Variants in TM2D2 observed in about 807,000 individuals in gnomAD.
TM2D2 encodes the protein TM2 domain containing 2.
In TM2D2, 19 loss-of-function variants were observed where a neutral mutation model predicts 23.0. The observed-to-expected ratio is 0.82, with a 90% confidence interval of 0.58 to 1.21. The LOEUF (loss-of-function observed/expected upper bound fraction) is 1.21, where lower values mean the gene tolerates loss of function less well. Ranked by LOEUF, TM2D2 falls within the 50% of genes most tolerant of loss-of-function variation. TM2D2 has a pLI of 0.00. For synonymous variants in TM2D2, 120 were observed against 108.8 expected, an observed-to-expected ratio of 1.10 and a Z score of -0.64; for missense variants, 246 against 265.4, an observed-to-expected ratio of 0.93 and a Z score of 0.51.
At chr8:38,996,857 C>A, upstream of TM2D2, 1 of 1,458,884 alleles carries the variant, frequency 6.9e-7, no homozygotes, top group South Asian at 1.4e-5. Context: ...TTTTTCCCTA[C>A]GTCAGCGCAG....
At chr8:38,996,094 G>A in intron 1 of TM2D2, 119 bp downstream of exon 1, 5 of 1,206,844 alleles carry the variant, frequency 4.1e-6, no homozygotes, top group Non-Finnish European at 4.6e-6. Flanking sequence ...CCTCCGGAAC[G>A]ACCTCAGAGA....
chr8:38,995,257 C>A (rs771315198), intron 2 of TM2D2, 61 bp downstream of exon 2: 11 of 1,183,304 alleles, frequency 9.3e-6, no homozygotes, highest in South Asian at 1.5e-5. Flanking sequence ...TATGTAATAG[C>A]ATTCAGACAT....
At chr8:38,992,939 A>C (rs1221267177) in intron 3 of TM2D2, among the ~76,000 whole-genome samples, 1 of 152,218 alleles carries the variant, frequency 6.6e-6, no homozygotes, top group Non-Finnish European at 1.5e-5. Flanking sequence ...TTCCATTAGC[A>C]AACTGTACAA....
In TM2D2 at chr8:38,996,474, C is replaced by T. The variant is rs774619808; in HGVS notation, c.-35G>A. The T allele has an allele frequency of 3.1e-6, 5 of 1,612,368 alleles. No individual in the cohort carries two copies. Among genetic ancestry groups the T allele is most frequent in the South Asian group, 1.1e-5 (1 of 91,020 alleles). ...CACAGGAGCGGAGACCCGGCCTCAACCACAACCCCAGGCCAGCAGCACAGA... is the reference window on the plus strand; with the variant it reads ...CACAGGAGCGGAGACCCGGCCTCAATCACAACCCCAGGCCAGCAGCACAGA... On this transcript the variant is annotated 5_prime_UTR_variant, in exon 1 of 4. Coordinates refer to ENST00000456397, the MANE Select transcript of TM2D2 (RefSeq NM_078473.3).
intron 1 of TM2D2, 27 bp downstream of exon 1, chr8:38,996,186 C>T: frequency 1.9e-6 from 3 of 1,602,342 alleles, no homozygotes; most frequent in Non-Finnish European, 1.7e-6. Flanking sequence ...CCTCCACGTC[C>T]ACCCGCCTCG....
In TM2D2 at chr8:38,991,177, CAA is replaced by C. The variant is rs1390508688; in HGVS notation, c.*153_*154del. ...CAAGGTAAAATCTGGGTTGAAATTC[CAA>C]AGTCCAAAGAAGCCTTCTTAACCAA... On this transcript the variant is annotated 3_prime_UTR_variant, in exon 4 of 4. Transcript: ENST00000456397. 1.5e-6 allele frequency: 1 copy of C among 675,404 alleles called. No homozygotes were observed. The highest frequency in any genetic ancestry group is 1.8e-5 in the African/African-American group (1 of 55,036). 41.8% of individuals were successfully genotyped at this position (675,404 alleles called of 1,614,324 possible).
At chr8:38,996,735 C>T, upstream of TM2D2, 1 of 1,420,918 alleles carries the variant, frequency 7.0e-7, no homozygotes, top group Non-Finnish European at 9.2e-7. Flanking sequence ...GTCGACCCCC[C>T]TAGGTGGGCG....
Position 38,991,288 on chromosome 8 carries a change from A to T in TM2D2, c.*44T>A. 6.7e-7 allele frequency: 1 copy of T among 1,501,932 alleles called. No individual in the cohort carries two copies. The allele number at this position is 1,501,932 out of a possible 1,614,324, so 93.0% of individuals were successfully genotyped here. On this transcript the variant is annotated 3_prime_UTR_variant, in exon 4 of 4. Coordinates refer to ENST00000456397, the MANE Select transcript of TM2D2 (RefSeq NM_078473.3). Reference sequence around the variant, plus strand: ...GAGCCTGTAGAGATGAATTCAGAAGACGGAGCTTTCACCCGCCTCCCTGGG... The same window carrying T: ...GAGCCTGTAGAGATGAATTCAGAAGTCGGAGCTTTCACCCGCCTCCCTGGG...
chr8:38,994,711 A>C lies in TM2D2; in HGVS notation c.315+607T>G, dbSNP rs566402242. 3.9e-5 allele frequency among the ~76,000 whole-genome samples: 6 copies of C among 152,288 alleles called. No individual in the cohort carries two copies. In the East Asian group the frequency reaches 9.6e-4, roughly 24 times the overall value. On this transcript the variant is annotated intron_variant, in intron 2 of 3. Transcript: ENST00000456397. ...CATGAACTTCATTGGTTATTTTGAG[A>C]GATTGATTAGGAACTGTACACTCAG...
intron 3 of TM2D2, among the ~76,000 whole-genome samples, chr8:38,993,327 G>A (rs1278701314): frequency 6.6e-6 from 1 of 152,158 alleles, no homozygotes; most frequent in African/African-American, 2.4e-5. Flanking sequence ...ACAGTGGCAT[G>A]TGCCTGTTGT....
rs1212291022 is a variant in TM2D2, at chr8:38,989,175, G to A, written c.*2157C>T. ...ATTCTCAAATTACCACTCTAGCAGC[G>A]AGAACAACTTCTTTTGTCTCCAGCA... On this transcript the variant is annotated 3_prime_UTR_variant, in exon 4 of 4. Coordinates refer to ENST00000456397, the MANE Select transcript of TM2D2 (RefSeq NM_078473.3). 8 of 152,176 alleles carry A rather than the reference G, an allele frequency of 5.3e-5. No individual in the cohort carries two copies. The highest frequency in any genetic ancestry group is 7.3e-5 in the Non-Finnish European group (5 of 68,038). 9.4% of individuals were successfully genotyped at this position (152,176 alleles called of 1,614,324 possible).
upstream of TM2D2, chr8:38,996,591 A>T (rs781260149): frequency 1.2e-4 from 170 of 1,453,572 alleles, no homozygotes; most frequent in Non-Finnish European, 1.5e-4. Context: ...CGCTCCGCGC[A>T]CCTCCGCCAA....
chr8:38,996,971 C>A (rs1241109564), upstream of TM2D2: 1 of 1,517,462 alleles, frequency 6.6e-7, no homozygotes, highest in Non-Finnish European at 8.9e-7. Context: ...CGCTTCCCGG[C>A]CAGACTTGGG....
intron 2 of TM2D2, among the ~76,000 whole-genome samples, chr8:38,994,454 C>G (rs1359971728): frequency 2.6e-5 from 4 of 152,190 alleles, no homozygotes; most frequent in Non-Finnish European, 4.4e-5. Context: ...ACAATATTAA[C>G]TCAAACTTTA....
At chr8:38,996,668 C>T (rs1835814388), upstream of TM2D2, 5 of 1,427,968 alleles carry the variant, frequency 3.5e-6, no homozygotes, top group Non-Finnish European at 4.6e-6. Flanking sequence ...CTCGATTCCT[C>T]TTCTGGGTCT....
At position 38,988,915 on chromosome 8, in the gene TM2D2, A is replaced by G. The variant is rs1031627612; in HGVS notation, c.*2417T>C. On this transcript the variant is annotated 3_prime_UTR_variant, in exon 4 of 4. Coordinates refer to ENST00000456397, the MANE Select transcript of TM2D2 (RefSeq NM_078473.3). ...CACTGTAGTATTTTAAACCTTCTCT[A>G]TAGCCATAAACTAGATATAACACAC... The G allele has an allele frequency of 6.6e-6, 1 of 152,238 alleles. No homozygotes were observed. The highest frequency in any genetic ancestry group is 1.5e-5 in the Non-Finnish European group (1 of 68,038). 9.4% of individuals were successfully genotyped at this position (152,238 alleles called of 1,614,324 possible).
intron 2 of TM2D2, 198 bp from the exon 3 acceptor site, chr8:38,993,858 A>AT (rs1272580630): frequency 2.6e-6 from 1 of 381,094 alleles, no homozygotes; most frequent in Non-Finnish European, 4.8e-6. Context: ...ACTGTCTTAA[A>AT]TAAACTCCTG....
Position 38,996,301 on chromosome 8 carries a change from C to T in TM2D2, c.139G>A (p.Ala47Thr), listed in dbSNP as rs200247625. ...GGGCCCTCCGGCTGGGCGGCGCCAG[C>T]GGATGTGAGCTCAGGCTCAGCGGTC... ...NATAEPELTSAGAAQPEGPGG... is the reference protein window; with the variant it reads ...NATAEPELTSTGAAQPEGPGG... The change falls in exon 1 of 4, where the codon GCT becomes ACT. Residue 47 changes from alanine (A) to threonine (T), a missense_variant. Ala to Thr is a moderately conservative substitution (Grantham distance 58). Coordinates refer to ENST00000456397, the MANE Select transcript of TM2D2 (RefSeq NM_078473.3). 4 of 1,613,956 alleles carry T rather than the reference C, an allele frequency of 2.5e-6. No homozygotes were observed. In the East Asian group the frequency reaches 6.7e-5, roughly 27 times the overall value.
At chr8:38,996,776 T>G, upstream of TM2D2, 3 of 1,417,844 alleles carry the variant, frequency 2.1e-6, no homozygotes, top group Non-Finnish European at 1.8e-6. Context: ...GGGGCGGATA[T>G]GACTGGCGGG....
Sources: gnomAD v4.1 joint callset for allele counts (sites outside exome capture counted in the v4.1 genomes callset) on GRCh38, gnomAD v4.1.1 for gene constraint, MANE v1.5 for transcripts, NCBI Gene and HGNC (gene_info 2026-07-23, HGNC 2026-07-21) for gene names.